Variants in HSPA12A observed in about 807,000 individuals in gnomAD.
HSPA12A encodes heat shock 70 kDa protein 12A.
Under a neutral mutation model 69.2 loss-of-function variants are expected in HSPA12A, and 28 were observed. The ratio of observed to expected loss-of-function variants is 0.40; its 90% confidence interval spans 0.30 to 0.55. The LOEUF is 0.55. Among genes scored for constraint, HSPA12A ranks in the 20% least tolerant of loss-of-function variants. The pLI, the probability that HSPA12A is intolerant of heterozygous loss-of-function variation, is 0.38. For synonymous variants in HSPA12A, 345 were observed against 370.5 expected (o/e 0.93, Z 0.79); for missense variants, 686 against 900.7 (o/e 0.76, Z 3.05).
intron 2 of HSPA12A, among the ~76,000 whole-genome samples, chr10:116,753,888 G>A (rs980625490): frequency 6.6e-6 from 1 of 152,216 alleles, no homozygotes; most frequent in Non-Finnish European, 1.5e-5. Flanking sequence ...ATCACTACAA[G>A]TCTAATCATA....
At position 116,692,314 on chromosome 10, in the gene HSPA12A, C is replaced by T. The variant is rs782253071; in HGVS notation, c.663+37G>A. Reference sequence around the variant, plus strand: ...ACCACCCTGGACATCTTGAGTCCTTCTCCTCCGGCTTCCACCCGCCCTGAC... The same window carrying T: ...ACCACCCTGGACATCTTGAGTCCTTTTCCTCCGGCTTCCACCCGCCCTGAC... On this transcript the variant is annotated intron_variant, in intron 6 of 11. Transcript: ENST00000369209. 8 of 1,533,354 alleles carry T rather than the reference C, an allele frequency of 5.2e-6. No homozygotes were observed. The South Asian group carries it at 9.0e-5, about 17-fold the overall frequency. 95.0% of individuals were successfully genotyped at this position (1,533,354 alleles called of 1,614,324 possible). A position where few individuals can be genotyped will look rare whatever the true frequency, so the allele number is the denominator to read the frequency against.
chr10:116,767,688 A>G (rs1844111311), intron 2 of HSPA12A, among the ~76,000 whole-genome samples: 1 of 152,172 alleles, frequency 6.6e-6, no homozygotes, highest in Non-Finnish European at 1.5e-5. Flanking sequence ...CAGAACCCAG[A>G]CTCAGAAGTC....
intron 4 of HSPA12A, among the ~76,000 whole-genome samples, chr10:116,699,475 C>A (rs192717478): frequency 7.1e-6 from 1 of 140,854 alleles, no homozygotes; most frequent in Non-Finnish European, 1.5e-5. Flanking sequence ...CCTGAACCAA[C>A]AAACTCATTA....
At chr10:116,795,864 AG>A in intron 2 of HSPA12A, among the ~76,000 whole-genome samples, 2 of 151,468 alleles carry the variant, frequency 1.3e-5, no homozygotes, top group South Asian at 4.2e-4. Context: ...TGAAAATTAA[AG>A]GCCGGGCGCG....
At chr10:116,849,776 C>T (rs1279240190), upstream of HSPA12A, 5 of 1,466,862 alleles carry the variant, frequency 3.4e-6, no homozygotes, top group South Asian at 4.2e-5. Flanking sequence ...ACCCCTCTCC[C>T]CCCGCCCCGC....
intron 2 of HSPA12A, among the ~76,000 whole-genome samples, chr10:116,783,974 G>T (rs1844519987): frequency 6.6e-6 from 1 of 152,198 alleles, no homozygotes; most frequent in Non-Finnish European, 1.5e-5. Flanking sequence ...AAAGTGCTAG[G>T]ATTACAGGTA....
rs1849167769 is a variant in HSPA12A at position 116,674,505 on chromosome 10, G to A, written c.*276C>T. ...CAGAAATGTACTGATTCCCTTCTCC[G>A]TGGCCATTTCACCACTTTTGTACCT... On this transcript the variant is annotated 3_prime_UTR_variant, in exon 12 of 12. Transcript: ENST00000369209. 6.4e-6 allele frequency: 3 copies of A among 470,312 alleles called. No individual in the cohort carries two copies. The highest frequency in any genetic ancestry group is 3.5e-5 in the Admixed American group (1 of 28,736). 29.1% of individuals were successfully genotyped at this position (470,312 alleles called of 1,614,324 possible). A position where few individuals can be genotyped will look rare whatever the true frequency, so the allele number is the denominator to read the frequency against.
intron 6 of HSPA12A, among the ~76,000 whole-genome samples, chr10:116,685,310 G>A (rs1293408705): frequency 6.6e-6 from 1 of 152,052 alleles, no homozygotes; most frequent in Non-Finnish European, 1.5e-5. Context: ...CCAATTACTG[G>A]GCAAGGAGGG....
chr10:116,680,293 A>C (rs529064132), intron 9 of HSPA12A, among the ~76,000 whole-genome samples: 13 of 152,274 alleles, frequency 8.5e-5, no homozygotes, highest in Admixed American at 6.5e-4. Context: ...CCCAGCCAAC[A>C]ATCTATTTTA....
intron 6 of HSPA12A, among the ~76,000 whole-genome samples, chr10:116,688,555 G>T (rs1229713666): frequency 6.6e-6 from 1 of 152,196 alleles, no homozygotes; most frequent in Non-Finnish European, 1.5e-5. Flanking sequence ...ATCTGCCAAG[G>T]GACTGTGTCC....
chr10:116,706,035 T>C (rs1554882369), intron 2 of HSPA12A, among the ~76,000 whole-genome samples: 1 of 151,438 alleles, frequency 6.6e-6, no homozygotes, highest in African/African-American at 2.4e-5. Context: ...GCTGGGACTA[T>C]AGGCACCCGC....
chr10:116,722,126 G>A (rs1421021303), intron 1 of HSPA12A, among the ~76,000 whole-genome samples: 1 of 152,220 alleles, frequency 6.6e-6, no homozygotes, highest in Non-Finnish European at 1.5e-5. Flanking sequence ...TCATTAGGCA[G>A]GGCAGCTTCT....
intron 1 of HSPA12A, among the ~76,000 whole-genome samples, chr10:116,740,629 C>G (rs1458800528): frequency 4.7e-5 from 7 of 149,522 alleles, no homozygotes; most frequent in African/African-American, 1.7e-4. Flanking sequence ...CAGGATTTCT[C>G]CCAGCACCGT....
At chr10:116,795,547 G>A (rs1375167707) in intron 2 of HSPA12A, among the ~76,000 whole-genome samples, 6 of 150,440 alleles carry the variant, frequency 4.0e-5, no homozygotes, top group East Asian at 2.0e-4. Flanking sequence ...TTAGCCAGGC[G>A]TGGTGGAACG....
chr10:116,692,567 T>G, intron 5 of HSPA12A, 100 bp from the exon 6 acceptor site: 5 of 843,384 alleles, frequency 5.9e-6, no homozygotes, highest in Non-Finnish European at 9.7e-6. Flanking sequence ...CCATGAGCTC[T>G]TCAGGAGCCA....
intron 1 of HSPA12A, among the ~76,000 whole-genome samples, chr10:116,734,650 C>CTTTTTTTTTTTTTTTTTTT (rs10631951): frequency 7.5e-6 from 1 of 133,828 alleles, no homozygotes; most frequent in African/African-American, 2.8e-5. Context: ...AGATTTTCAG[C>CTTTTTTTTTTTTTTTTTTT]TTTTTTTTTT....
At chr10:116,820,642 T>C (rs530389815) in intron 2 of HSPA12A, among the ~76,000 whole-genome samples, 195 of 152,168 alleles carry the variant, frequency 1.3e-3, no homozygotes, top group Non-Finnish European at 1.0e-3. Flanking sequence ...TGGCTCTGAA[T>C]GTGACAATGC....
rs1850386902 is a variant in HSPA12A, at chr10:116,710,439, T to C, written c.41-3154A>G. On this transcript the variant is annotated intron_variant, in intron 1 of 11. Transcript: ENST00000369209. The surrounding 1 kb of genome is among the most constrained non-coding windows in gnomAD (Gnocchi z 4.1). The stretch of plus-strand genomic sequence containing the variant: ...TGGGTCTTCTCACTGATTTGCAAAA[T>C]AGCCAAGGTTGAGCCACACATGGAA... Among the ~76,000 whole-genome samples the C allele has an allele frequency of 6.6e-6, 1 of 152,224 alleles. No homozygotes were observed. The highest frequency in any genetic ancestry group is 2.1e-4 in the South Asian group (1 of 4,816).
intron 7 of HSPA12A, 181 bp downstream of exon 7, chr10:116,683,610 G>A (rs1849481655): frequency 2.2e-6 from 1 of 454,064 alleles, no homozygotes; most frequent in Middle Eastern, 5.7e-4. Context: ...TCCATTTATG[G>A]GGGTCCTTGG....
Sources: gnomAD v4.1 joint callset for allele counts (sites outside exome capture counted in the v4.1 genomes callset) on GRCh38, gnomAD v4.1.1 for gene constraint, Gnocchi (gnomAD v3.1) non-coding constraint, MANE v1.5 for transcripts, NCBI Gene and HGNC (gene_info 2026-07-23, HGNC 2026-07-21) for gene names.